KIAA1217: variants seen among roughly 807,000 people sequenced by gnomAD.
The protein encoded by KIAA1217 is KIAA1217.
KIAA1217 carries 88 observed loss-of-function variants against 163.9 expected under a neutral mutation model. The observed-to-expected ratio is 0.54, with a 90% CI of 0.45 to 0.64. The LOEUF is 0.64. KIAA1217 is among the 30% of genes least tolerant of loss of function. KIAA1217 has a pLI of 0.00. For synonymous variants in KIAA1217, 903 were observed against 923.1 expected (o/e 0.98, Z 0.39); for missense variants, 2,372 against 2,475.0 (o/e 0.96, Z 0.88).
intron 1 of KIAA1217, among the ~76,000 whole-genome samples, chr10:23,980,796 T>C (rs1199503891): frequency 2.0e-5 from 3 of 152,194 alleles, no homozygotes; most frequent in Non-Finnish European, 4.4e-5. Flanking sequence ...CTCAATCTGT[T>C]ATCATCTTTA....
intron 2 of KIAA1217, among the ~76,000 whole-genome samples, chr10:24,072,195 A>G (rs1377560899): frequency 2.6e-5 from 4 of 151,704 alleles, no homozygotes; most frequent in Non-Finnish European, 4.4e-5. Flanking sequence ...CCAGCTAATT[A>G]TTTTTATTTT....
intron 2 of KIAA1217, among the ~76,000 whole-genome samples, chr10:24,133,293 C>G (rs1460549372): frequency 6.6e-6 from 1 of 152,102 alleles, no homozygotes; most frequent in Non-Finnish European, 1.5e-5. Flanking sequence ...AAGATCTTGG[C>G]TAGGCACGGT....
Position 23,790,227 on chromosome 10 carries a change from G to GCACATATGCATATA in KIAA1217, c.-321+95006_-321+95007insACACATATGCATAT, listed in dbSNP as rs1835725708. Among the ~76,000 whole-genome samples, 2 of 1,314 alleles carry GCACATATGCATATA rather than the reference G, an allele frequency of 1.5e-3. 1 individual carries two copies. The highest frequency in any genetic ancestry group is 2.5e-3 in the Non-Finnish European group (2 of 804). The allele number at this position is 1,314 out of a possible 152,430, so 0.9% of individuals were successfully genotyped here. A position where few individuals can be genotyped will look rare whatever the true frequency, so the allele number is the denominator to read the frequency against. On this transcript the variant is annotated intron_variant, in intron 1 of 18. Coordinates refer to the KIAA1217 transcript ENST00000376462. ...TATACACATATACACATATGCATAT[G>GCACATATGCATATA]CACATATGCATATGCACATATGCAT...
At chr10:24,061,811 T>A (rs917766938) in intron 2 of KIAA1217, among the ~76,000 whole-genome samples, 3 of 152,216 alleles carry the variant, frequency 2.0e-5, no homozygotes, top group African/African-American at 4.8e-5. Context: ...GCTTTCAAAA[T>A]TCTTTTTCTC....
At chr10:23,985,408 T>C (rs1845930203) in intron 1 of KIAA1217, among the ~76,000 whole-genome samples, 1 of 152,206 alleles carries the variant, frequency 6.6e-6, no homozygotes, top group Non-Finnish European at 1.5e-5. Flanking sequence ...CTGCCAACCT[T>C]TTGCCTCAAA....
At chr10:23,731,959 GT>G (rs950948000) in intron 1 of KIAA1217, among the ~76,000 whole-genome samples, 1 of 151,966 alleles carries the variant, frequency 6.6e-6, no homozygotes, top group Admixed American at 6.6e-5. Context: ...ATCTCACTTG[GT>G]TGTGGTGTAT....
intron 2 of KIAA1217, among the ~76,000 whole-genome samples, chr10:24,370,594 TAG>T (rs1183595557): frequency 6.6e-6 from 1 of 152,170 alleles, no homozygotes; most frequent in Non-Finnish European, 1.5e-5. Context: ...TTTGTTTTTT[TAG>T]AGACAGGATC....
At chr10:23,951,180 G>C (rs1295053948) in intron 1 of KIAA1217, among the ~76,000 whole-genome samples, 1 of 152,090 alleles carries the variant, frequency 6.6e-6, no homozygotes, top group East Asian at 1.9e-4. Context: ...TCTTAGATGA[G>C]GCAAGAGCAT....
intron 1 of KIAA1217, among the ~76,000 whole-genome samples, chr10:23,754,223 G>T (rs1482376613): frequency 2.6e-5 from 4 of 152,160 alleles, no homozygotes; most frequent in African/African-American, 9.7e-5. Context: ...ATAACACGGG[G>T]AAGGCAATGC....
In KIAA1217 at chr10:24,449,801, A is replaced by G. The variant is rs184159620; in HGVS notation, c.846+11322A>G. 5 of 949,550 alleles carry G rather than the reference A, an allele frequency of 5.3e-6. No individual in the cohort carries two copies. The African/African-American group carries it at 7.1e-5, about 13-fold the overall frequency. 58.8% of individuals were successfully genotyped at this position (949,550 alleles called of 1,614,324 possible). On this transcript the variant is annotated intron_variant, in intron 5 of 20. Transcript: ENST00000376454. Reference sequence around the variant, plus strand: ...GCCTTTATGATAGGATATTATCTTTAGAATCTTTTTTCATGCTCTGGCACG... The same window carrying G: ...GCCTTTATGATAGGATATTATCTTTGGAATCTTTTTTCATGCTCTGGCACG...
At position 24,389,320 on chromosome 10, in the gene KIAA1217, A is replaced by G. The variant is rs183435704; in HGVS notation, c.553+8253A>G. 4.8e-3 allele frequency among the ~76,000 whole-genome samples: 727 copies of G among 151,902 alleles called. 11 individuals carry two copies. Among genetic ancestry groups the G allele is most frequent in the African/African-American group, 0.016 (668 of 41,404 alleles). On this transcript the variant is annotated intron_variant, in intron 3 of 20. Coordinates refer to ENST00000376454, the MANE Select transcript of KIAA1217 (RefSeq NM_019590.5). The stretch of plus-strand genomic sequence containing the variant: ...GCAAGGACAGAAAACCAAACACCAC[A>G]TGTTCTCACTCATAGGTGGGAATTG...
At chr10:24,414,881 G>GATGCCTCTTAA (rs141703765) in intron 3 of KIAA1217, among the ~76,000 whole-genome samples, 8,280 of 152,204 alleles carry the variant, frequency 0.054, 213 homozygotes, top group East Asian at 0.071. Flanking sequence ...AGCCATGTGT[G>GATGCCTCTTAA]ATGCCTCTTA....
chr10:23,706,780 T>C (rs1001163529), intron 1 of KIAA1217, among the ~76,000 whole-genome samples: 2 of 152,172 alleles, frequency 1.3e-5, no homozygotes, highest in African/African-American at 4.8e-5. Flanking sequence ...TTTTTCATTC[T>C]TAACACTGCT....
chr10:23,817,149 T>A (rs936305298), intron 1 of KIAA1217, among the ~76,000 whole-genome samples: 5 of 152,190 alleles, frequency 3.3e-5, no homozygotes, highest in South Asian at 2.1e-4. Flanking sequence ...TCATTTTAAA[T>A]GATTTGAAGT....
At chr10:24,479,924 C>A (rs1406517409) in intron 6 of KIAA1217, among the ~76,000 whole-genome samples, 1 of 152,158 alleles carries the variant, frequency 6.6e-6, no homozygotes, top group Non-Finnish European at 1.5e-5. Flanking sequence ...AGCATGAGGC[C>A]CTTCATGAGG....
chr10:23,843,093 T>C (rs934733397), intron 1 of KIAA1217, among the ~76,000 whole-genome samples: 1 of 152,162 alleles, frequency 6.6e-6, no homozygotes, highest in Admixed American at 6.6e-5. Context: ...ATTATCAATG[T>C]AAATGTTTCT....
intron 2 of KIAA1217, among the ~76,000 whole-genome samples, chr10:24,079,667 C>T (rs1280012512): frequency 6.6e-6 from 1 of 152,070 alleles, no homozygotes; most frequent in African/African-American, 2.4e-5. Flanking sequence ...ATTTTCTGTA[C>T]CCAGAAAATG....
At chr10:23,743,505 G>A (rs1839232575) in intron 1 of KIAA1217, among the ~76,000 whole-genome samples, 1 of 152,196 alleles carries the variant, frequency 6.6e-6, no homozygotes, top group Non-Finnish European at 1.5e-5. Context: ...TGAATTGATG[G>A]CTGCCTGAAT....
At chr10:24,518,070 A>AG (rs1465395381) in intron 10 of KIAA1217, among the ~76,000 whole-genome samples, 2 of 152,216 alleles carry the variant, frequency 1.3e-5, no homozygotes, top group African/African-American at 4.8e-5. Flanking sequence ...GTCTTCTAAT[A>AG]ACAGTCAAGT....
Sources: allele counts gnomAD v4.1 joint callset (sites outside exome capture counted in the v4.1 genomes callset), GRCh38; gene constraint gnomAD v4.1.1; transcripts MANE v1.5; gene names NCBI Gene and HGNC (gene_info 2026-07-23, HGNC 2026-07-21).